The following NAV2 variants were observed in gnomAD, a reference collection of about 807,000 sequenced individuals.
NAV2 encodes the protein neuron navigator 2.
NAV2 carries 54 observed loss-of-function variants against 223.2 expected under a neutral mutation model. The observed-to-expected ratio is 0.24, with a 90% CI of 0.19 to 0.30. NAV2 has a LOEUF of 0.30. Among genes scored for constraint, NAV2 ranks in the 10% least tolerant of loss-of-function variants. The pLI is 1.00. For missense variants in NAV2, 2,806 were observed against 3,147.5 expected (o/e 0.89, Z 2.60); for synonymous variants, 1,279 against 1,239.3 (o/e 1.03, Z -0.67).
At chr11:19,663,168 G>A (rs1349127589) in intron 1 of NAV2, among the ~76,000 whole-genome samples, 2 of 152,144 alleles carry the variant, frequency 1.3e-5, no homozygotes, top group Non-Finnish European at 1.5e-5. Flanking sequence ...TGTGTAGAGT[G>A]TACTAAAGAT....
chr11:19,738,874 C>T (rs1324808880), intron 1 of NAV2, among the ~76,000 whole-genome samples: 1 of 152,200 alleles, frequency 6.6e-6, no homozygotes, highest in Admixed American at 6.5e-5. Flanking sequence ...AAATTAGCTT[C>T]TGTCCCCTGG....
chr11:20,078,053 G>A lies in NAV2; in HGVS notation c.5128G>A (p.Ala1710Thr), dbSNP rs1193952008. ...IELLKKQNAA[A>T]QAAINGVINT... ...GCTGCTAAAGAAACAGAACGCAGCT[G>A]CCCAGGCTGCCATTAATGGAGTAAT... Residue 1710 changes from alanine (A) to threonine (T), a missense_variant, in exon 24 of 38, where the codon GCC becomes ACC. Ala to Thr is a moderately conservative substitution (Grantham distance 58). This residue lies in a region of NAV2 where 824 missense variants were observed against 1,069.4 expected (regional missense o/e 0.77). Transcript: ENST00000349880. The A allele has an allele frequency of 5.0e-6, 8 of 1,613,242 alleles. No homozygotes were observed. Among genetic ancestry groups the A allele is most frequent in the Non-Finnish European group, 6.8e-6 (8 of 1,179,804 alleles).
chr11:19,507,724 A>G (rs1218875439), intron 1 of NAV2, among the ~76,000 whole-genome samples: 1 of 152,186 alleles, frequency 6.6e-6, no homozygotes, highest in Non-Finnish European at 1.5e-5. Context: ...CATCATCATT[A>G]TAATCATCAT....
chr11:19,985,827 C>T (rs1383198214), intron 11 of NAV2, among the ~76,000 whole-genome samples: 3 of 152,100 alleles, frequency 2.0e-5, no homozygotes, highest in African/African-American at 4.8e-5. Context: ...CCACCTGCCT[C>T]GGCCTCCCAA....
chr11:19,816,797 A>T (rs921403144), intron 1 of NAV2, among the ~76,000 whole-genome samples: 2 of 152,196 alleles, frequency 1.3e-5, no homozygotes, highest in African/African-American at 4.8e-5. Context: ...ATTATGTAAA[A>T]ATATGTAAAT....
chr11:19,662,694 G>T (rs1007714127), intron 1 of NAV2, among the ~76,000 whole-genome samples: 3 of 152,230 alleles, frequency 2.0e-5, no homozygotes, highest in African/African-American at 7.2e-5. Context: ...ATGAAGCTCT[G>T]CCCACTGGCT....
intron 10 of NAV2, among the ~76,000 whole-genome samples, chr11:19,960,709 A>G (rs750539042): frequency 3.3e-5 from 5 of 151,898 alleles, no homozygotes; most frequent in Non-Finnish European, 7.4e-5. Context: ...TGCCTCCCGC[A>G]TTCAAGTGAT....
chr11:19,663,222 G>A (rs60691508), intron 1 of NAV2, among the ~76,000 whole-genome samples: 3,254 of 152,256 alleles, frequency 0.021, 111 homozygotes, highest in African/African-American at 0.064. Context: ...AGAAATGCAT[G>A]TAATTTCATA....
At chr11:19,466,731 G>A (rs577836480) in intron 1 of NAV2, among the ~76,000 whole-genome samples, 15 of 152,180 alleles carry the variant, frequency 9.9e-5, no homozygotes, top group Middle Eastern at 3.4e-3. Context: ...TGCAAGGAGC[G>A]GCAAGGGTGG....
intron 8 of NAV2, among the ~76,000 whole-genome samples, chr11:19,945,428 G>A (rs1748114640): frequency 6.6e-6 from 1 of 150,960 alleles, no homozygotes; most frequent in South Asian, 2.1e-4. Context: ...AGGCTGGATT[G>A]CAATGGCACA....
intron 1 of NAV2, among the ~76,000 whole-genome samples, chr11:19,417,913 G>A (rs942875741): frequency 5.3e-5 from 8 of 152,016 alleles, no homozygotes; most frequent in Non-Finnish European, 1.0e-4. Flanking sequence ...AGTGGGAGTC[G>A]AAAAACGAGA....
intron 1 of NAV2, among the ~76,000 whole-genome samples, chr11:19,386,546 C>G (rs545718818): frequency 1.3e-5 from 2 of 152,274 alleles, no homozygotes; most frequent in African/African-American, 4.8e-5. Flanking sequence ...CAGCGGGAGA[C>G]AGTGGGGAGC....
intron 1 of NAV2, among the ~76,000 whole-genome samples, chr11:19,464,850 G>C (rs1337749711): frequency 2.0e-5 from 3 of 152,252 alleles, no homozygotes; most frequent in East Asian, 1.9e-4. Flanking sequence ...GTTAGACTCA[G>C]AATGCACTTT....
intron 3 of NAV2, among the ~76,000 whole-genome samples, chr11:19,859,242 C>T (rs1171610563): frequency 7.3e-6 from 1 of 137,844 alleles, no homozygotes; most frequent in Non-Finnish European, 1.5e-5. Context: ...AGCAGATAAA[C>T]AAGTGAACAA....
chr11:19,860,278 G>GCGGCTGC, intron 3 of NAV2, among the ~76,000 whole-genome samples: 1 of 140,458 alleles, frequency 7.1e-6, no homozygotes, highest in Admixed American at 6.8e-5. Context: ...CTCAGACGGG[G>GCGGCTGC]CGGCTGCCGG....
chr11:19,977,802 T>C (rs1046406975), intron 10 of NAV2, among the ~76,000 whole-genome samples: 6 of 141,572 alleles, frequency 4.2e-5, no homozygotes, highest in Admixed American at 2.1e-4. Flanking sequence ...TTTTTTCTTT[T>C]TTTTTTTTTT....
chr11:20,034,632 T>C (rs1271806012), intron 11 of NAV2, among the ~76,000 whole-genome samples: 1 of 152,238 alleles, frequency 6.6e-6, no homozygotes, highest in Non-Finnish European at 1.5e-5. Context: ...TCCACCCGCC[T>C]TGGCTTCCCA....
chr11:19,449,143 G>A (rs1851695333), intron 1 of NAV2, among the ~76,000 whole-genome samples: 2 of 152,134 alleles, frequency 1.3e-5, no homozygotes, highest in Admixed American at 6.5e-5. Context: ...GTTCTGTTAA[G>A]CCATCATGAA....
intron 1 of NAV2, among the ~76,000 whole-genome samples, chr11:19,498,605 G>A (rs949832581): frequency 2.6e-5 from 4 of 152,154 alleles, no homozygotes; most frequent in Admixed American, 1.3e-4. Flanking sequence ...TTTGTTTATT[G>A]AACAAACATT....
Sources: gnomAD v4.1 joint callset for allele counts (sites outside exome capture counted in the v4.1 genomes callset) on GRCh38, gnomAD v4.1.1 for gene constraint, gnomAD v4.1.1 regional missense constraint, MANE v1.5 for transcripts, NCBI Gene and HGNC (gene_info 2026-07-23, HGNC 2026-07-21) for gene names.